The following PLCE1 variants were observed in gnomAD, a reference collection of about 807,000 sequenced individuals.
PLCE1 encodes 1-phosphatidylinositol 4,5-bisphosphate phosphodiesterase epsilon-1.
Under a neutral mutation model 242.8 loss-of-function variants are expected in PLCE1, and 119 were observed. That is an observed-to-expected ratio of 0.49 (90% CI 0.42 to 0.57). The LOEUF (loss-of-function observed/expected upper bound fraction) is 0.57. PLCE1 is among the 20% of genes least tolerant of loss of function. PLCE1 has a pLI of 0.00. For synonymous variants in PLCE1, 945 were observed against 1,017.4 expected, an observed-to-expected ratio of 0.93 and a Z score of 1.35; for missense variants, 2,441 against 2,788.8, an observed-to-expected ratio of 0.88 and a Z score of 2.81.
chr10:94,325,038 G>A lies in PLCE1; in HGVS notation c.6867G>A (p.Val2289=), dbSNP rs1263840413. ...ESIQTKEEKP[V]GGLSSSDTMD... Reference sequence around the variant, plus strand: ...TCCAAACCAAGGAGGAGAAACCTGTGGGTGGCTTGTCCTCCAGTGACACAA... The same window carrying A: ...TCCAAACCAAGGAGGAGAAACCTGTAGGTGGCTTGTCCTCCAGTGACACAA... The change falls in exon 32 of 33, where the codon GTG becomes GTA. Residue 2289 remains valine, a synonymous_variant. Coordinates refer to ENST00000371380, the MANE Select transcript of PLCE1 (RefSeq NM_016341.4). 5.6e-6 allele frequency: 9 copies of A among 1,614,062 alleles called. No homozygotes were observed. Among genetic ancestry groups the A allele is most frequent in the Non-Finnish European group, 5.1e-6 (6 of 1,180,018 alleles).
At chr10:94,176,803 C>G (rs2048140056) in intron 4 of PLCE1, among the ~76,000 whole-genome samples, 1 of 152,116 alleles carries the variant, frequency 6.6e-6, no homozygotes, top group African/African-American at 2.4e-5. Flanking sequence ...ACACAAATAT[C>G]TACCAAAAAA....
Position 94,132,464 on chromosome 10 carries a change from TG to T in PLCE1, c.1492+6del. The T allele has an allele frequency of 6.2e-7, 1 of 1,613,224 alleles. No homozygotes were observed. Among genetic ancestry groups the T allele is most frequent in the African/African-American group, 1.3e-5 (1 of 75,044 alleles). ...CTGGACGAATGATGCTGAAAGGTAA[TG>T]CCTGAAATTTCACTTTTAACTTTCT... On this transcript the variant is annotated splice_donor_region_variant and intron_variant, in intron 3 of 32. Coordinates refer to ENST00000371380, the MANE Select transcript of PLCE1 (RefSeq NM_016341.4).
rs1397532305 is a variant in PLCE1, at chr10:94,328,556, G to C, written c.*613G>C. On this transcript the variant is annotated 3_prime_UTR_variant, in exon 33 of 33. Coordinates refer to ENST00000371380, the MANE Select transcript of PLCE1 (RefSeq NM_016341.4). Reference sequence around the variant, plus strand: ...TAATTTGCCAACACAACTAAGAGAAGAGAACTGGGAACAAGGAGCACAAAG... The same window carrying C: ...TAATTTGCCAACACAACTAAGAGAACAGAACTGGGAACAAGGAGCACAAAG... 2.0e-5 allele frequency: 3 copies of C among 152,214 alleles called. No individual in the cohort carries two copies. The highest frequency in any genetic ancestry group is 4.4e-5 in the Non-Finnish European group (3 of 68,070). 9.4% of individuals were successfully genotyped at this position (152,214 alleles called of 1,614,324 possible). A position where few individuals can be genotyped will look rare whatever the true frequency, so the allele number is the denominator to read the frequency against.
chr10:94,204,733 AAAG>A (rs1251098801), intron 4 of PLCE1, among the ~76,000 whole-genome samples: 1 of 146,558 alleles, frequency 6.8e-6, no homozygotes, highest in African/African-American at 2.6e-5. Flanking sequence ...GGAAGGAAGG[AAAG>A]AAGAAGGGAG....
intron 2 of PLCE1, among the ~76,000 whole-genome samples, chr10:94,046,642 G>T (rs1419930586): frequency 6.6e-6 from 1 of 152,218 alleles, no homozygotes; most frequent in Non-Finnish European, 1.5e-5. Flanking sequence ...CTGACCCATT[G>T]GGTGTGGAGC....
At chr10:94,104,037 A>G (rs2045635500) in intron 2 of PLCE1, 2 of 152,354 alleles carry the variant, frequency 1.3e-5, no homozygotes, top group Middle Eastern at 3.4e-3. Flanking sequence ...TGTCCAATGT[A>G]TGATTTTCCC....
intron 1 of PLCE1, among the ~76,000 whole-genome samples, chr10:94,026,105 C>T (rs1460127907): frequency 6.6e-6 from 1 of 152,284 alleles, no homozygotes; most frequent in East Asian, 1.9e-4. Context: ...TGATTTAGCC[C>T]ATGAAAACAC....
At chr10:94,320,972 TTATTGA>T (rs1444983372) in intron 29 of PLCE1, among the ~76,000 whole-genome samples, 1 of 152,210 alleles carries the variant, frequency 6.6e-6, no homozygotes, top group African/African-American at 2.4e-5. Flanking sequence ...TTGGTTTTTC[TTATTGA>T]TACGCTTCTG....
At chr10:94,161,999 A>T (rs149547651) in intron 3 of PLCE1, among the ~76,000 whole-genome samples, 2,163 of 152,276 alleles carry the variant, frequency 0.014, 50 homozygotes, top group African/African-American at 0.049. Flanking sequence ...CATCCCAGGG[A>T]TGAAGCCCAC....
intron 7 of PLCE1, among the ~76,000 whole-genome samples, chr10:94,242,206 T>C (rs555811655): frequency 6.6e-6 from 1 of 152,358 alleles, no homozygotes; most frequent in South Asian, 2.1e-4. Flanking sequence ...ATGATTTTTT[T>C]CTTATTTCAC....
intron 2 of PLCE1, among the ~76,000 whole-genome samples, chr10:94,054,077 C>T (rs2043837099): frequency 6.6e-6 from 1 of 152,068 alleles, no homozygotes; most frequent in Non-Finnish European, 1.5e-5. Context: ...AGTGAGTCTT[C>T]CTTATGGTCT....
At chr10:93,999,390 G>A (rs529056540) in intron 1 of PLCE1, among the ~76,000 whole-genome samples, 3 of 152,222 alleles carry the variant, frequency 2.0e-5, no homozygotes, top group East Asian at 3.9e-4. Flanking sequence ...CAGGAGATCC[G>A]GGATGTGAGT....
chr10:94,158,798 TAGC>T (rs796099624), intron 3 of PLCE1, among the ~76,000 whole-genome samples: 5 of 151,750 alleles, frequency 3.3e-5, no homozygotes, highest in African/African-American at 1.2e-4. Context: ...ACAAAAACAT[TAGC>T]AGAGATTACC....
At chr10:94,237,013 C>A (rs1409962959) in intron 7 of PLCE1, among the ~76,000 whole-genome samples, 2 of 152,102 alleles carry the variant, frequency 1.3e-5, no homozygotes, top group Non-Finnish European at 2.9e-5. Context: ...ACTATGTAGT[C>A]TATACAGTGA....
intron 1 of PLCE1, among the ~76,000 whole-genome samples, chr10:94,023,678 T>C (rs1359861716): frequency 6.6e-6 from 1 of 152,192 alleles, no homozygotes; most frequent in East Asian, 1.9e-4. Context: ...ACAAACTTTT[T>C]TGTGATCCTC....
chr10:94,013,599 A>C (rs1321066435), intron 1 of PLCE1, among the ~76,000 whole-genome samples: 1 of 152,234 alleles, frequency 6.6e-6, no homozygotes, highest in South Asian at 2.1e-4. Context: ...TGAGGCCTTG[A>C]GAATGGGCAG....
chr10:94,045,042 C>A (rs1367177782), intron 2 of PLCE1, among the ~76,000 whole-genome samples: 1 of 152,030 alleles, frequency 6.6e-6, no homozygotes, highest in Non-Finnish European at 1.5e-5. Flanking sequence ...GCTCTGTCAC[C>A]TAGGCTGAAG....
chr10:94,036,548 C>A (rs2134567762), intron 2 of PLCE1, among the ~76,000 whole-genome samples: 1 of 152,226 alleles, frequency 6.6e-6, no homozygotes, highest in African/African-American at 2.4e-5. Flanking sequence ...TGCTTGCTGA[C>A]ATACTAACTA....
At chr10:94,250,821 CTCT>C (rs1435308810) in intron 8 of PLCE1, among the ~76,000 whole-genome samples, 1 of 152,154 alleles carries the variant, frequency 6.6e-6, no homozygotes, top group Non-Finnish European at 1.5e-5. Context: ...AAAAGTTTTA[CTCT>C]TCTTTCAGAT....
Sources: gnomAD v4.1 joint callset for allele counts (sites outside exome capture counted in the v4.1 genomes callset) on GRCh38, gnomAD v4.1.1 for gene constraint, MANE v1.5 for transcripts, NCBI Gene and HGNC (gene_info 2026-07-23, HGNC 2026-07-21) for gene names.